TJP2: variants seen among roughly 807,000 people sequenced by gnomAD.
The protein encoded by TJP2 is tight junction protein 2.
Under a neutral mutation model 133.1 loss-of-function variants are expected in TJP2, and 91 were observed. The ratio of observed to expected loss-of-function variants is 0.68; its 90% CI spans 0.58 to 0.81. The LOEUF (loss-of-function observed/expected upper bound fraction) is 0.81, where lower values mean the gene tolerates loss of function less well. Ranked by LOEUF, TJP2 falls within the 40% of genes least tolerant of loss-of-function variation. TJP2 has a pLI of 0.00. For synonymous variants in TJP2, 592 were observed against 583.4 expected (o/e 1.01, Z -0.21); for missense variants, 1,541 against 1,565.6 (o/e 0.98, Z 0.26).
At chr9:69,239,640 G>C (rs1830447703) in intron 16 of TJP2, among the ~76,000 whole-genome samples, 1 of 152,068 alleles carries the variant, frequency 6.6e-6, no homozygotes, top group African/African-American at 2.4e-5. Flanking sequence ...GTGAAACCCT[G>C]TCTCTACTAA....
chr9:69,232,754 T>C (rs539362677), intron 11 of TJP2, among the ~76,000 whole-genome samples: 2 of 152,350 alleles, frequency 1.3e-5, no homozygotes, highest in South Asian at 4.1e-4. Context: ...AGAGTTGTCA[T>C]TTCTCTTTCA....
In TJP2 at chr9:69,249,505, A is replaced by G. The variant is rs773578707; in HGVS notation, c.2991+20A>G. The G allele has an allele frequency of 7.6e-6, 12 of 1,583,972 alleles. 1 individual carries two copies. In the South Asian group the frequency reaches 1.1e-4, roughly 15 times the overall value. On this transcript the variant is annotated intron_variant, in intron 20 of 22. Transcript: ENST00000377245. ...CCCAAGGTACGTGGCTGGGAAGCCC[A>G]GGATGGGAAGGAAGAGGAAGCAGAT...
chr9:69,184,445 C>T (rs1587996200), intron 1 of TJP2, among the ~76,000 whole-genome samples: 2 of 152,192 alleles, frequency 1.3e-5, no homozygotes, highest in African/African-American at 4.8e-5. Flanking sequence ...AAGCTCATGT[C>T]TGAGGAATCC....
intron 1 of TJP2, among the ~76,000 whole-genome samples, chr9:69,196,598 A>T (rs79240978): frequency 0.02 from 2,457 of 123,538 alleles, 57 homozygotes; most frequent in African/African-American, 0.064. Flanking sequence ...CTACGATGTG[A>T]TCTTTTTTTT....
upstream of TJP2, among the ~76,000 whole-genome samples, chr9:69,173,335 T>C (rs1425560619): frequency 6.6e-6 from 1 of 152,218 alleles, no homozygotes; most frequent in African/African-American, 2.4e-5. Flanking sequence ...TCCAAATTAA[T>C]TTATATGCTC....
Position 69,151,669 on chromosome 9 carries a change from A to G in TJP2, c.-112A>G, listed in dbSNP as rs557712978. ...TTTCCAGGGTGCGAAGTACCACATT[A>G]CTGTCATCTCCCTGTGAGTGGGATT... is the stretch of plus-strand genomic sequence containing the variant. On this transcript the variant is annotated 5_prime_UTR_variant, in exon 2 of 6. Transcript: ENST00000423935. 1,454 of 1,231,996 alleles carry G rather than the reference A, an allele frequency of 1.2e-3. 2 individuals carry two copies. Among genetic ancestry groups the G allele is most frequent in the Non-Finnish European group, 1.4e-3 (1,413 of 987,978 alleles). The allele number at this position is 1,231,996 out of a possible 1,614,324, so 76.3% of individuals were successfully genotyped here.
intron 1 of TJP2, among the ~76,000 whole-genome samples, chr9:69,146,416 T>C (rs1823212994): frequency 6.6e-6 from 1 of 152,226 alleles, no homozygotes; most frequent in African/African-American, 2.4e-5. Flanking sequence ...GGTGCCTTTA[T>C]GGTAGACGAT....
At chr9:69,234,398 CTTTTTTTT>C (rs202100183) in intron 11 of TJP2, 33 bp from the exon 12 acceptor site, 4 of 982,288 alleles carry the variant, frequency 4.1e-6, no homozygotes, top group Non-Finnish European at 4.4e-6. Flanking sequence ...TTCTTTCTTT[CTTTTTTTT>C]TTTTTTCTTT....
exon 1 of TJP2, chr9:69,121,658 AG>A (rs1822147009): frequency 6.5e-6 from 1 of 153,208 alleles, no homozygotes; most frequent in Non-Finnish European, 1.4e-5. Flanking sequence ...AGCGCCCCGG[AG>A]AGCCGCCTTC....
At position 69,126,152 on chromosome 9, in the gene TJP2, A is replaced by T. The variant is rs1403129686; in HGVS notation, c.-131+4427A>T. 2.6e-5 allele frequency among the ~76,000 whole-genome samples: 2 copies of T among 77,034 alleles called. 1 individual carries two copies. Among genetic ancestry groups the T allele is most frequent in the African/African-American group, 7.9e-5 (2 of 25,238 alleles). 50.5% of individuals were successfully genotyped at this position (77,034 alleles called of 152,430 possible). On this transcript the variant is annotated intron_variant, in intron 1 of 5. Transcript: ENST00000423935. ...CTTCACCTCCAGCAGTTATATTGAG[A>T]TGTAATTCATGACAAGCTATGTACA...
chr9:69,174,135 T>C (rs1383172078), upstream of TJP2: 1 of 1,237,404 alleles, frequency 8.1e-7, no homozygotes, highest in African/African-American at 1.6e-5. Context: ...TAGCGGCCAA[T>C]TTGACAGTTT....
At chr9:69,232,838 T>C (rs368519205) in intron 11 of TJP2, among the ~76,000 whole-genome samples, 1 of 152,358 alleles carries the variant, frequency 6.6e-6, no homozygotes, top group South Asian at 2.1e-4. Flanking sequence ...TTTTAAAATA[T>C]AACTACCATG....
chr9:69,216,404 A>G lies in TJP2; in HGVS notation c.180A>G (p.Gly60=), dbSNP rs775888204. Reference sequence around the variant, plus strand: ...GAGACAACCCCCACTTTGAAAATGGAGAAACGTCAATTGTCATTTCTGATG... The same window carrying G: ...GAGACAACCCCCACTTTGAAAATGGGGAAACGTCAATTGTCATTTCTGATG... ...GGRDNPHFEN[G]ETSIVISDVL... is the part of the protein sequence containing the mutation. The change falls in exon 3 of 23, where the codon GGA becomes GGG. Residue 60 remains glycine, a synonymous_variant. Transcript: ENST00000377245. 1 of 1,614,174 alleles carries G rather than the reference A, an allele frequency of 6.2e-7. No homozygotes were observed. Among genetic ancestry groups the G allele is most frequent in the Admixed American group, 1.7e-5 (1 of 60,006 alleles).
chr9:69,224,361 T>TA (rs994474490), intron 5 of TJP2, among the ~76,000 whole-genome samples: 18 of 152,132 alleles, frequency 1.2e-4, no homozygotes, highest in Non-Finnish European at 4.4e-5. Flanking sequence ...TTGTTTTTTT[T>TA]TCTCCCCAAC....
At chr9:69,174,815 C>T (rs1824945832) in intron 1 of TJP2, among the ~76,000 whole-genome samples, 1 of 152,088 alleles carries the variant, frequency 6.6e-6, no homozygotes, top group Admixed American at 6.5e-5. Context: ...TGCAAAGTTA[C>T]AGGCTTGTGT....
upstream of TJP2, chr9:69,173,964 G>A (rs890294744): frequency 4.0e-5 from 39 of 985,190 alleles, no homozygotes; most frequent in Non-Finnish European, 4.3e-5. Flanking sequence ...CGGGGGTGGA[G>A]GGGTGCAGGC....
chr9:69,215,388 T>TG (rs1297650142), intron 2 of TJP2, among the ~76,000 whole-genome samples: 2 of 112,554 alleles, frequency 1.8e-5, no homozygotes, highest in Non-Finnish European at 4.1e-5. Flanking sequence ...TAGAAAGTTG[T>TG]GGTTTTTTTT....
intron 1 of TJP2, among the ~76,000 whole-genome samples, chr9:69,129,668 G>A (rs796247004): frequency 3.9e-5 from 6 of 152,296 alleles, no homozygotes; most frequent in African/African-American, 1.4e-4. Flanking sequence ...TGGGTGCGAT[G>A]TCTCACGCCT....
At chr9:69,202,546 A>G (rs1344508741) in intron 1 of TJP2, among the ~76,000 whole-genome samples, 1 of 152,250 alleles carries the variant, frequency 6.6e-6, no homozygotes, top group Non-Finnish European at 1.5e-5. Flanking sequence ...AAAACTTACC[A>G]TAACATAAAC....
Sources: allele counts gnomAD v4.1 joint callset (sites outside exome capture counted in the v4.1 genomes callset), GRCh38; gene constraint gnomAD v4.1.1; transcripts MANE v1.5; gene names NCBI Gene and HGNC (gene_info 2026-07-23, HGNC 2026-07-21).